The following IGSF23 variants were observed in gnomAD, a reference collection of about 807,000 sequenced individuals.
IGSF23 encodes immunoglobulin superfamily member 23.
IGSF23 carries 14 observed loss-of-function variants against 17.8 expected under a neutral mutation model. That is an observed-to-expected ratio of 0.79 (90% CI 0.52 to 1.23). The LOEUF (loss-of-function observed/expected upper bound fraction) is 1.23, where lower values mean the gene tolerates loss of function less well. Ranked by LOEUF, IGSF23 falls within the 50% of genes most tolerant of loss-of-function variation. IGSF23 has a pLI of 0.00. For synonymous variants in IGSF23, 85 were observed against 92.5 expected (o/e 0.92, Z 0.46); for missense variants, 214 against 241.7 (o/e 0.89, Z 0.76).
rs377111165 is a variant in IGSF23, at chr19:44,613,945, C to T, written c.125+175C>T. Reference sequence around the variant, plus strand: ...AACACGAGATGAGGGGTCCTCTGGACGTCAGCTCCAGCCACACCCCTACCT... The same window carrying T: ...AACACGAGATGAGGGGTCCTCTGGATGTCAGCTCCAGCCACACCCCTACCT... On this transcript the variant is annotated intron_variant, in intron 1 of 4. Coordinates refer to ENST00000402988, the MANE Select transcript of IGSF23 (RefSeq NM_001205280.2). 22 of 1,544,742 alleles carry T rather than the reference C, an allele frequency of 1.4e-5. No individual in the cohort carries two copies. In the Middle Eastern group the frequency reaches 5.0e-4, roughly 35 times the overall value.
intron 1 of IGSF23, among the ~76,000 whole-genome samples, chr19:44,615,455 C>T (rs1183375440): frequency 4.6e-5 from 7 of 151,792 alleles, no homozygotes; most frequent in Admixed American, 4.6e-4. Flanking sequence ...GAAACCCCGT[C>T]TCTACTAAAA....
chr19:44,614,363 T>C (rs1461149720), intron 1 of IGSF23, among the ~76,000 whole-genome samples: 1 of 152,176 alleles, frequency 6.6e-6, no homozygotes, highest in Non-Finnish European at 1.5e-5. Context: ...CATAAAATAA[T>C]AACAGCCGTA....
chr19:44,630,169 A>G (rs1004507816), intron 3 of IGSF23, among the ~76,000 whole-genome samples: 1 of 152,166 alleles, frequency 6.6e-6, no homozygotes, highest in Non-Finnish European at 1.5e-5. Flanking sequence ...GTAGTGGTTT[A>G]GGGAGACATT....
intron 2 of IGSF23, 105 bp downstream of exon 2, chr19:44,624,077 C>A: frequency 1.0e-6 from 1 of 998,562 alleles, no homozygotes; most frequent in Non-Finnish European, 1.4e-6. Flanking sequence ...TATGAGCAGT[C>A]CCCTGTGAGA....
At chr19:44,631,092 C>CAAA (rs34410787) in intron 3 of IGSF23, among the ~76,000 whole-genome samples, 33 of 129,812 alleles carry the variant, frequency 2.5e-4, no homozygotes, top group South Asian at 4.9e-4. Flanking sequence ...CATGTCTCTA[C>CAAA]AAAAAAAAAA....
At chr19:44,623,649 C>T (rs1972568722) in intron 1 of IGSF23, 58 bp from the exon 2 acceptor site, 1 of 1,491,942 alleles carries the variant, frequency 6.7e-7, no homozygotes, top group Admixed American at 2.0e-5. Context: ...AGAAGAAATG[C>T]CCAGCTTTTC....
Position 44,613,775 on chromosome 19 carries a change from G to C in IGSF23, c.125+5G>C. 6.4e-7 allele frequency: 1 copy of C among 1,550,458 alleles called. No individual in the cohort carries two copies. Among genetic ancestry groups the C allele is most frequent in the Non-Finnish European group, 8.7e-7 (1 of 1,146,904 alleles). ...TGACTTCCCAGCCAACTTGGTGTAA[G>C]TCATGTGGGGAAGTGGCCAGGGTAG... is the stretch of plus-strand genomic sequence containing the variant. On this transcript the variant is annotated splice_donor_5th_base_variant and intron_variant, in intron 1 of 4. Coordinates refer to ENST00000402988, the MANE Select transcript of IGSF23 (RefSeq NM_001205280.2).
chr19:44,619,122 C>G (rs1185265610), intron 1 of IGSF23, among the ~76,000 whole-genome samples: 1 of 152,054 alleles, frequency 6.6e-6, no homozygotes, highest in Admixed American at 6.6e-5. Flanking sequence ...GCAGGTGTCT[C>G]CCGTGAGAAC....
rs983966641 is a variant in IGSF23 at position 44,617,043 on chromosome 19, C to T, written c.125+3273C>T. Among the ~76,000 whole-genome samples the T allele has an allele frequency of 4.0e-4, 60 of 151,798 alleles. 2 individuals are homozygous for T. Among genetic ancestry groups the T allele is most frequent in the Non-Finnish European group, 5.9e-5 (4 of 67,974 alleles). On this transcript the variant is annotated intron_variant, in intron 1 of 4. Transcript: ENST00000402988. ...CCTCCTGAGTAGCTGGGACTACAGG[C>T]GCGTGCCACCATGCCCAGCGAATTT...
At chr19:44,628,136 G>C (rs1972697171) in intron 3 of IGSF23, among the ~76,000 whole-genome samples, 1 of 151,920 alleles carries the variant, frequency 6.6e-6, no homozygotes, top group African/African-American at 2.4e-5. Flanking sequence ...GCAGAGACAG[G>C]GTTTCGCCAT....
Position 44,623,881 on chromosome 19 carries a change from G to T in IGSF23, c.300G>T (p.Arg100=). The T allele has an allele frequency of 6.4e-7, 1 of 1,550,862 alleles. No homozygotes were observed. Among genetic ancestry groups the T allele is most frequent in the African/African-American group, 1.4e-5 (1 of 73,162 alleles). ...CGMGEKLFIR[R]LSCEQLGTYM... ...TGGGAGAGAAGCTGTTCATCCGACG[G>T]TTGTCCTGTGAGCAGCTGGGCACCT... Residue 100 remains arginine (R), a synonymous_variant, in exon 2 of 5, where the codon CGG becomes CGT. Coordinates refer to ENST00000402988, the MANE Select transcript of IGSF23 (RefSeq NM_001205280.2).
chr19:44,623,832 C>A lies in IGSF23; in HGVS notation c.251C>A (p.Thr84Asn), dbSNP rs1190734659. 1.6e-5 allele frequency: 25 copies of A among 1,550,790 alleles called. No homozygotes were observed. The East Asian group carries it at 5.4e-4, about 33-fold the overall frequency. The change falls in exon 2 of 5, where the codon ACC becomes AAC. Residue 84 changes from threonine to asparagine, a missense_variant. Physicochemically the swap from Thr to Asn is moderately conservative, Grantham distance 65. Transcript: ENST00000402988. ...TMDPEPVLSW[T>N]FSGVPCGMGE... The stretch of plus-strand genomic sequence containing the variant: ...GACCCTGAGCCTGTGCTGAGCTGGA[C>A]CTTCAGTGGGGTGCCCTGTGGGATG...
chr19:44,619,967 A>G (rs1972475688), intron 1 of IGSF23, among the ~76,000 whole-genome samples: 1 of 152,208 alleles, frequency 6.6e-6, no homozygotes, highest in Admixed American at 6.5e-5. Context: ...GCTCTAACAA[A>G]GACTCAAAAA....
chr19:44,613,622 C>T lies in IGSF23; in HGVS notation c.-24C>T, dbSNP rs374238166. On this transcript the variant is annotated 5_prime_UTR_variant, in exon 1 of 5. Coordinates refer to ENST00000402988, the MANE Select transcript of IGSF23 (RefSeq NM_001205280.2). ...CGATTCTGCTTCTCCCTCCATCTCC[C>T]GGCGGGGATTGTACGGTGAGAGAAT... 7.9e-6 allele frequency: 12 copies of T among 1,524,198 alleles called. No homozygotes were observed. The highest frequency in any genetic ancestry group is 2.5e-5 in the East Asian group (1 of 40,482). 94.4% of individuals were successfully genotyped at this position (1,524,198 alleles called of 1,614,324 possible).
At chr19:44,627,292 A>G (rs1224517467) in intron 2 of IGSF23, 128 bp from the exon 3 acceptor site, 1 of 959,996 alleles carries the variant, frequency 1.0e-6, no homozygotes, top group Non-Finnish European at 1.5e-6. Flanking sequence ...AGAGGGGGCC[A>G]GAGACCTGGA....
chr19:44,631,092 CAAA>C (rs34410787), intron 3 of IGSF23, among the ~76,000 whole-genome samples: 2 of 129,844 alleles, frequency 1.5e-5, no homozygotes, highest in South Asian at 4.9e-4. Context: ...CATGTCTCTA[CAAA>C]AAAAAAAAAA....
chr19:44,626,049 T>C (rs1021735679), intron 2 of IGSF23, among the ~76,000 whole-genome samples: 4 of 152,128 alleles, frequency 2.6e-5, no homozygotes, highest in Non-Finnish European at 4.4e-5. Flanking sequence ...TATTTCTTCA[T>C]AGCAGTATGA....
At chr19:44,614,536 T>C (rs28720797) in intron 1 of IGSF23, among the ~76,000 whole-genome samples, 76,276 of 151,794 alleles carry the variant, frequency 0.5, 19,252 homozygotes, top group East Asian at 0.68. Flanking sequence ...GGGCTGAAGC[T>C]GTTCTCCTGC....
chr19:44,623,140 G>T (rs1972558020), intron 1 of IGSF23, among the ~76,000 whole-genome samples: 2 of 152,174 alleles, frequency 1.3e-5, no homozygotes, highest in East Asian at 3.8e-4. Flanking sequence ...TCCTAGATTT[G>T]GTTCACCCAG....
Sources: allele counts gnomAD v4.1 joint callset (sites outside exome capture counted in the v4.1 genomes callset), GRCh38; gene constraint gnomAD v4.1.1; transcripts MANE v1.5; gene names NCBI Gene and HGNC (gene_info 2026-07-23, HGNC 2026-07-21).